SMAP1: variants seen among roughly 807,000 people sequenced by gnomAD.
SMAP1 encodes the protein small ArfGAP 1, also known as stromal membrane-associated protein 1.
In SMAP1, 24 loss-of-function variants were observed where a neutral mutation model predicts 58.5. The ratio of observed to expected loss-of-function variants is 0.41; its 90% CI spans 0.30 to 0.58. The LOEUF (loss-of-function observed/expected upper bound fraction) is 0.58, where lower values mean the gene tolerates loss of function less well. SMAP1 is among the 20% of genes least tolerant of loss of function. SMAP1 has a pLI of 0.29. For synonymous variants in SMAP1, 216 were observed against 196.6 expected, an observed-to-expected ratio of 1.10 and a Z score of -0.82; for missense variants, 563 against 566.3, an observed-to-expected ratio of 0.99 and a Z score of 0.06.
intron 2 of SMAP1, among the ~76,000 whole-genome samples, chr6:70,739,101 AT>A (rs1765721693): frequency 6.6e-6 from 1 of 152,272 alleles, no homozygotes; most frequent in East Asian, 1.9e-4. Context: ...CAAAATTTAA[AT>A]TTTACATGAG....
chr6:70,749,086 G>A (rs1448999080), intron 2 of SMAP1, among the ~76,000 whole-genome samples: 1 of 152,122 alleles, frequency 6.6e-6, no homozygotes, highest in African/African-American at 2.4e-5. Flanking sequence ...AGGTTTAATT[G>A]ACTCGGTTCC....
At chr6:70,782,539 C>A (rs1767805588) in intron 4 of SMAP1, among the ~76,000 whole-genome samples, 1 of 152,214 alleles carries the variant, frequency 6.6e-6, no homozygotes, top group East Asian at 1.9e-4. Flanking sequence ...TCCCAGCCTA[C>A]ATTTTTCTCC....
intron 1 of SMAP1, among the ~76,000 whole-genome samples, chr6:70,696,336 A>G (rs1331317758): frequency 6.6e-6 from 1 of 151,932 alleles, no homozygotes; most frequent in Non-Finnish European, 1.5e-5. Flanking sequence ...CTACATCATT[A>G]TGTTGCTTAT....
At chr6:70,674,580 A>T (rs1305526265) in intron 1 of SMAP1, among the ~76,000 whole-genome samples, 1 of 152,236 alleles carries the variant, frequency 6.6e-6, no homozygotes, top group Non-Finnish European at 1.5e-5. Context: ...TTACCACTGT[A>T]AAGAGTTGAT....
chr6:70,747,661 G>T (rs1303477365), intron 2 of SMAP1, among the ~76,000 whole-genome samples: 1 of 152,146 alleles, frequency 6.6e-6, no homozygotes, highest in Admixed American at 6.5e-5. Flanking sequence ...CCTGAGCTGG[G>T]CCTTAAGCAC....
At chr6:70,756,998 C>T (rs1056880731) in intron 3 of SMAP1, among the ~76,000 whole-genome samples, 24 of 152,182 alleles carry the variant, frequency 1.6e-4, no homozygotes, top group Non-Finnish European at 3.1e-4. Flanking sequence ...TGACTTTCTT[C>T]ACAGAATTGG....
intron 6 of SMAP1, among the ~76,000 whole-genome samples, chr6:70,823,641 T>G (rs947839201): frequency 6.6e-6 from 1 of 152,212 alleles, no homozygotes; most frequent in African/African-American, 2.4e-5. Flanking sequence ...GTCTAACCTA[T>G]GTACATCCTC....
At chr6:70,844,048 T>TAAA (rs1258054408) in intron 7 of SMAP1, among the ~76,000 whole-genome samples, 1 of 152,194 alleles carries the variant, frequency 6.6e-6, no homozygotes, top group Non-Finnish European at 1.5e-5. Flanking sequence ...AAACAGTGAT[T>TAAA]GCAAAGCATG....
At chr6:70,821,174 GT>G (rs887354174) in intron 6 of SMAP1, among the ~76,000 whole-genome samples, 10 of 151,718 alleles carry the variant, frequency 6.6e-5, no homozygotes, top group African/African-American at 2.4e-4. Context: ...ACAAGATTAA[GT>G]TTTGTCTGTT....
intron 1 of SMAP1, among the ~76,000 whole-genome samples, chr6:70,709,979 T>A (rs1260523343): frequency 6.6e-6 from 1 of 152,080 alleles, no homozygotes; most frequent in Non-Finnish European, 1.5e-5. Context: ...TTCTGAGATA[T>A]GAGTCATTAG....
At chr6:70,677,626 C>G (rs1766539796) in intron 1 of SMAP1, among the ~76,000 whole-genome samples, 1 of 149,426 alleles carries the variant, frequency 6.7e-6, no homozygotes, top group African/African-American at 2.5e-5. Context: ...CGCCGCATAC[C>G]TTGTGACTTC....
chr6:70,773,797 C>G (rs987393017), intron 4 of SMAP1, among the ~76,000 whole-genome samples: 6 of 152,164 alleles, frequency 3.9e-5, no homozygotes, highest in East Asian at 1.9e-4. Context: ...TTTGGTTGGT[C>G]CATTGAGAAA....
chr6:70,850,212 T>G (rs1352096991), intron 7 of SMAP1, among the ~76,000 whole-genome samples: 1 of 152,220 alleles, frequency 6.6e-6, no homozygotes, highest in Non-Finnish European at 1.5e-5. Context: ...CGCTTTGTGA[T>G]TCTCACTAAA....
rs753923496 is a variant in SMAP1, at chr6:70,668,040, G to A, written c.17G>A (p.Cys6Tyr). ...GCTGCCGAGATGGCGACGCGCTCCT[G>A]TCGGGAGAAGGCTCAGAAGCTGAAC... MATRS[C>Y]REKAQKLNEQ... The change falls in exon 1 of 11, where the codon TGT becomes TAT. Residue 6 changes from cysteine (C) to tyrosine (Y), a missense_variant. Physicochemically the swap from Cys to Tyr is radical, Grantham distance 194 (BLOSUM62 -2). Around this residue, in one of 3 missense-constraint regions of SMAP1, gnomAD observed 52 missense variants for 46.6 expected, o/e 1.11. Transcript: ENST00000370455. 2.9e-5 allele frequency: 47 copies of A among 1,601,252 alleles called. No individual in the cohort carries two copies. The highest frequency in any genetic ancestry group is 3.8e-5 in the Non-Finnish European group (45 of 1,174,954).
At chr6:70,674,147 G>A (rs1205838126) in intron 1 of SMAP1, among the ~76,000 whole-genome samples, 1 of 150,928 alleles carries the variant, frequency 6.6e-6, no homozygotes, top group African/African-American at 2.4e-5. Flanking sequence ...TTTGGTACAG[G>A]GTCTCACTCT....
chr6:70,802,306 G>A (rs1025014773), intron 6 of SMAP1, among the ~76,000 whole-genome samples: 1 of 151,746 alleles, frequency 6.6e-6, no homozygotes, highest in African/African-American at 2.4e-5. Flanking sequence ...TCATGATTTG[G>A]CTCTCTGTCA....
chr6:70,858,984 T>TAG (rs921058828), intron 10 of SMAP1: 2 of 173,562 alleles, frequency 1.2e-5, no homozygotes, highest in Admixed American at 1.2e-4. Context: ...CAAAGGCTCT[T>TAG]AGAGAGGTTC....
intron 4 of SMAP1, among the ~76,000 whole-genome samples, chr6:70,781,694 G>A (rs1767770150): frequency 6.6e-6 from 1 of 152,132 alleles, no homozygotes. Flanking sequence ...TTAAAAGGGT[G>A]GTAGTAGCAA....
chr6:70,773,119 A>G, intron 3 of SMAP1: 1 of 369,890 alleles, frequency 2.7e-6, no homozygotes, highest in Non-Finnish European at 4.9e-6. Flanking sequence ...TTCTTTCTAG[A>G]ATTAGTTTGG....
Sources: gnomAD v4.1 joint callset for allele counts (sites outside exome capture counted in the v4.1 genomes callset) on GRCh38, gnomAD v4.1.1 for gene constraint, gnomAD v4.1.1 regional missense constraint, MANE v1.5 for transcripts, NCBI Gene and HGNC (gene_info 2026-07-23, HGNC 2026-07-21) for gene names.